Variants in ARRB1 observed in about 807,000 individuals in gnomAD.
ARRB1 encodes beta-arrestin-1.
Under a neutral mutation model 56.8 loss-of-function variants are expected in ARRB1, and 21 were observed. The observed-to-expected ratio is 0.37, with a 90% CI of 0.26 to 0.53. The LOEUF (loss-of-function observed/expected upper bound fraction) is 0.53. Ranked by LOEUF, ARRB1 falls within the 20% of genes least tolerant of loss-of-function variation. The pLI, the probability that ARRB1 is intolerant of heterozygous loss-of-function variation, is 0.88. For missense variants in ARRB1, 424 were observed against 553.7 expected (o/e 0.77, Z 2.35); for synonymous variants, 210 against 218.6 (o/e 0.96, Z 0.35).
chr11:75,296,590 A>C (rs1946755958), intron 1 of ARRB1, among the ~76,000 whole-genome samples: 1 of 152,228 alleles, frequency 6.6e-6, no homozygotes, highest in Admixed American at 6.5e-5. Context: ...AGGGCTACAC[A>C]ACAAGGAACC....
intron 12 of ARRB1, 162 bp downstream of exon 12, chr11:75,272,733 G>A (rs900808172): frequency 7.9e-6 from 5 of 636,350 alleles, no homozygotes; most frequent in South Asian, 7.6e-5. Context: ...GGGCGGGGGA[G>A]AAAGAGGAAC....
At chr11:75,266,756 G>C (rs1467664315) in intron 15 of ARRB1, among the ~76,000 whole-genome samples, 1 of 152,128 alleles carries the variant, frequency 6.6e-6, no homozygotes, top group Non-Finnish European at 1.5e-5. Context: ...GGACAGCAAG[G>C]AGTAGTTTGG....
intron 1 of ARRB1, among the ~76,000 whole-genome samples, chr11:75,345,246 G>A (rs577846342): frequency 6.6e-6 from 1 of 152,210 alleles, no homozygotes; most frequent in Non-Finnish European, 1.5e-5. Context: ...TGGGGCTAAA[G>A]ATGGGGCCAG....
rs1038990345 is a variant in ARRB1 at position 75,262,868 on chromosome 11, A to G, written c.*3295T>C. On this transcript the variant is annotated 3_prime_UTR_variant, in exon 16 of 16. Transcript: ENST00000420843. Reference sequence around the variant, plus strand: ...ACAGAACCAACAGCCAGGTGAACCCACTCTAGCAGGTCTGAGCTTTGAGGC... The same window carrying G: ...ACAGAACCAACAGCCAGGTGAACCCGCTCTAGCAGGTCTGAGCTTTGAGGC... Among the ~76,000 whole-genome samples, 1 of 151,938 alleles carries G rather than the reference A, an allele frequency of 6.6e-6. No individual in the cohort carries two copies. Among genetic ancestry groups the G allele is most frequent in the South Asian group, 2.1e-4 (1 of 4,822 alleles).
Position 75,261,201 on chromosome 11 carries a change from T to C in ARRB1, c.*4962A>G, listed in dbSNP as rs1945781954. ...ATGTACGTGTGTGTGTGTGTGTGTG[T>C]GTGTGTGTGTGTGTGTGTGTATAAA... On this transcript the variant is annotated 3_prime_UTR_variant, in exon 16 of 16. Transcript: ENST00000420843. 6.6e-6 allele frequency: 1 copy of C among 151,800 alleles called. No individual in the cohort carries two copies. Among genetic ancestry groups the C allele is most frequent in the Non-Finnish European group, 1.5e-5 (1 of 68,028 alleles). 9.4% of individuals were successfully genotyped at this position (151,800 alleles called of 1,614,324 possible). A position where few individuals can be genotyped will look rare whatever the true frequency, so the allele number is the denominator to read the frequency against.
At chr11:75,329,722 G>A (rs1480533858) in intron 1 of ARRB1, among the ~76,000 whole-genome samples, 1 of 152,204 alleles carries the variant, frequency 6.6e-6, no homozygotes, top group Non-Finnish European at 1.5e-5. Context: ...GCTGGGCACT[G>A]TGGTGCATGC....
chr11:75,306,478 G>C (rs549447421), intron 1 of ARRB1: 7 of 746,320 alleles, frequency 9.4e-6, no homozygotes, highest in African/African-American at 1.8e-5. Context: ...ATCTCATGGA[G>C]AGAGGAAGAA....
At chr11:75,299,447 GA>G (rs775099506) in intron 1 of ARRB1, among the ~76,000 whole-genome samples, 1,689 of 138,178 alleles carry the variant, frequency 0.012, 17 homozygotes, top group African/African-American at 0.036. Context: ...GAGAATCTAG[GA>G]AAAAAAAAAA....
At chr11:75,305,994 T>C (rs529331642) in intron 1 of ARRB1, among the ~76,000 whole-genome samples, 57 of 152,090 alleles carry the variant, frequency 3.7e-4, no homozygotes, top group African/African-American at 1.4e-3. Context: ...CCTTCACCTT[T>C]ACTCCCTCCT....
rs1046696122 is a variant in ARRB1 at position 75,261,882 on chromosome 11, C to T, written c.*4281G>A. On this transcript the variant is annotated 3_prime_UTR_variant, in exon 16 of 16. Transcript: ENST00000420843. Reference sequence around the variant, plus strand: ...TATAGATATCAGAACAGGCATAGGCCTATGTCCATGAGACCCTATAAGAGT... The same window carrying T: ...TATAGATATCAGAACAGGCATAGGCTTATGTCCATGAGACCCTATAAGAGT... 2.6e-5 allele frequency: 4 copies of T among 152,250 alleles called. No homozygotes were observed. The highest frequency in any genetic ancestry group is 4.4e-5 in the Non-Finnish European group (3 of 68,070). The allele number at this position is 152,250 out of a possible 1,614,324, so 9.4% of individuals were successfully genotyped here.
chr11:75,261,397 T>A lies in ARRB1; in HGVS notation c.*4766A>T, dbSNP rs1945787658. On this transcript the variant is annotated 3_prime_UTR_variant, in exon 16 of 16. Transcript: ENST00000420843. ...CTTCAAAGAAAGCTTGAAAATGAAA[T>A]CTCAGTAGGCAAGACAGATAAAAGC... 1 of 152,048 alleles carries A rather than the reference T, an allele frequency of 6.6e-6. No individual in the cohort carries two copies. Among genetic ancestry groups the A allele is most frequent in the East Asian group, 1.9e-4 (1 of 5,166 alleles). 9.4% of individuals were successfully genotyped at this position (152,048 alleles called of 1,614,324 possible).
chr11:75,341,734 C>T (rs1195104679), intron 1 of ARRB1, among the ~76,000 whole-genome samples: 1 of 152,202 alleles, frequency 6.6e-6, no homozygotes, highest in Admixed American at 6.5e-5. Flanking sequence ...AGCCCTCGGC[C>T]TTAAAGAGTC....
intron 1 of ARRB1, among the ~76,000 whole-genome samples, chr11:75,297,545 C>A (rs1047797576): frequency 2.0e-5 from 3 of 151,984 alleles, no homozygotes; most frequent in Non-Finnish European, 4.4e-5. Flanking sequence ...AAAGTTAGAT[C>A]CCGACCTCAC....
intron 1 of ARRB1, among the ~76,000 whole-genome samples, chr11:75,332,776 T>A (rs1947541626): frequency 6.6e-6 from 1 of 151,928 alleles, no homozygotes; most frequent in Non-Finnish European, 1.5e-5. Flanking sequence ...GCACCTGTAG[T>A]CCCAGCTACT....
intron 1 of ARRB1, among the ~76,000 whole-genome samples, chr11:75,297,300 A>G (rs887947627): frequency 2.0e-5 from 3 of 152,004 alleles, no homozygotes; most frequent in African/African-American, 7.2e-5. Flanking sequence ...AAGTTAGAAG[A>G]CTCACACTTC....
At chr11:75,327,081 G>A (rs59342845) in intron 1 of ARRB1, among the ~76,000 whole-genome samples, 1 of 151,932 alleles carries the variant, frequency 6.6e-6, no homozygotes, top group African/African-American at 2.4e-5. Context: ...TTGGGAGGCC[G>A]AGGCGGGCGG....
At chr11:75,348,083 T>A (rs1204683207) in intron 1 of ARRB1, among the ~76,000 whole-genome samples, 1 of 152,190 alleles carries the variant, frequency 6.6e-6, no homozygotes, top group African/African-American at 2.4e-5. Context: ...TGAATCACCA[T>A]CCACTTCAGG....
chr11:75,323,920 C>T (rs921983858), intron 1 of ARRB1, among the ~76,000 whole-genome samples: 1 of 151,972 alleles, frequency 6.6e-6, no homozygotes, highest in Non-Finnish European at 1.5e-5. Flanking sequence ...GAGGAACAAT[C>T]ATTAACGAAT....
intron 8 of ARRB1, 33 bp from the exon 9 acceptor site, chr11:75,277,481 G>A (rs1351068970): frequency 6.3e-7 from 1 of 1,590,866 alleles, no homozygotes; most frequent in African/African-American, 1.3e-5. Flanking sequence ...GGGTTGGCTG[G>A]GAGGACAGCA....
Sources: gnomAD v4.1 joint callset for allele counts (sites outside exome capture counted in the v4.1 genomes callset) on GRCh38, gnomAD v4.1.1 for gene constraint, MANE v1.5 for transcripts, NCBI Gene and HGNC (gene_info 2026-07-23, HGNC 2026-07-21) for gene names.